FCRL5: variants seen among roughly 807,000 people sequenced by gnomAD.
FCRL5 encodes the protein Fc receptor-like protein 5.
FCRL5 carries 79 observed loss-of-function variants against 92.1 expected under a neutral mutation model. That is an observed-to-expected ratio of 0.86 (90% CI 0.72 to 1.03). The LOEUF is 1.03. Ranked by LOEUF, FCRL5 falls within the 50% of genes least tolerant of loss-of-function variation. The pLI is 0.00. For synonymous variants in FCRL5, 466 were observed against 469.3 expected, an observed-to-expected ratio of 0.99 and a Z score of 0.09; for missense variants, 1,160 against 1,181.1, an observed-to-expected ratio of 0.98 and a Z score of 0.26.
intron 2 of FCRL5, among the ~76,000 whole-genome samples, chr1:157,548,887 G>T (rs1315645267): frequency 6.6e-6 from 1 of 152,166 alleles, no homozygotes; most frequent in Non-Finnish European, 1.5e-5. Flanking sequence ...CGATTCCTCA[G>T]GGATCTAGAA....
At chr1:157,546,628 A>C (rs1419437397) in intron 3 of FCRL5, among the ~76,000 whole-genome samples, 1 of 152,206 alleles carries the variant, frequency 6.6e-6, no homozygotes, top group Non-Finnish European at 1.5e-5. Flanking sequence ...GAATAAGCAT[A>C]GGTAGGTCCT....
At position 157,514,442 on chromosome 1, in the gene FCRL5, C is replaced by G. The variant is rs1649835535; in HGVS notation, c.*1233G>C. On this transcript the variant is annotated 3_prime_UTR_variant, in exon 17 of 17. Transcript: ENST00000361835. ...GCCAACATGTCACAGAGAAGAAGCT[C>G]TCTCAGCAACAGCAGCTGGTGGTGC... 6.6e-6 allele frequency: 1 copy of G among 152,240 alleles called. No individual in the cohort carries two copies. The highest frequency in any genetic ancestry group is 6.5e-5 in the Admixed American group (1 of 15,292). 9.4% of individuals were successfully genotyped at this position (152,240 alleles called of 1,614,324 possible). A position where few individuals can be genotyped will look rare whatever the true frequency, so the allele number is the denominator to read the frequency against.
chr1:157,545,976 A>G (rs1389657029), intron 3 of FCRL5, among the ~76,000 whole-genome samples: 2 of 152,190 alleles, frequency 1.3e-5, no homozygotes, highest in African/African-American at 4.8e-5. Context: ...CACTGCTTCC[A>G]CTACATTAAA....
At chr1:157,540,189 T>A (rs1651190669) in intron 6 of FCRL5, among the ~76,000 whole-genome samples, 1 of 152,210 alleles carries the variant, frequency 6.6e-6, no homozygotes, top group African/African-American at 2.4e-5. Flanking sequence ...CTGTCCTCCA[T>A]CCTAGTCATT....
At chr1:157,544,181 T>A (rs1387135233) in intron 5 of FCRL5, 81 bp downstream of exon 5, 1 of 1,468,396 alleles carries the variant, frequency 6.8e-7, no homozygotes. Context: ...CTACAGAGAC[T>A]GGTGACCCAC....
At chr1:157,516,352 C>T (rs1316874088) in intron 15 of FCRL5, among the ~76,000 whole-genome samples, 1 of 152,192 alleles carries the variant, frequency 6.6e-6, no homozygotes, top group South Asian at 2.1e-4. Flanking sequence ...AAAATATCCT[C>T]TGCCTGTAAG....
At chr1:157,543,321 C>T (rs1219523175) in intron 5 of FCRL5, among the ~76,000 whole-genome samples, 184 bp from the exon 6 acceptor site, 4 of 152,206 alleles carry the variant, frequency 2.6e-5, no homozygotes, top group Non-Finnish European at 5.9e-5. Flanking sequence ...GAATGTTGCA[C>T]CTGAAGTGCC....
At position 157,552,344 on chromosome 1, in the gene FCRL5, A is replaced by T. The variant is rs1651859386; in HGVS notation, c.19T>A (p.Leu7Ile). The T allele has an allele frequency of 1.2e-6, 2 of 1,613,958 alleles. No individual in the cohort carries two copies. The highest frequency in any genetic ancestry group is 1.7e-6 in the Non-Finnish European group (2 of 1,180,000). The change falls in exon 1 of 17, where the codon TTA becomes ATA. Residue 7 changes from leucine (L) to isoleucine (I), a missense_variant. Coordinates refer to ENST00000361835, the MANE Select transcript of FCRL5 (RefSeq NM_031281.3). MLLWVI[L>I]LVLAPVSGQF... ...CCCTTTTACTCACCCAGGACCAGTA[A>T]TATCACCCACAGCAGCATGAAGACC...
chr1:157,518,396 G>A, intron 15 of FCRL5, 33 bp downstream of exon 15: 1 of 1,574,584 alleles, frequency 6.4e-7, no homozygotes, highest in Non-Finnish European at 8.7e-7. Flanking sequence ...TAAGTTGAGG[G>A]TGGGCCAGAA....
At chr1:157,540,524 TTAAAAAAA>T (rs1651209978) in intron 6 of FCRL5, among the ~76,000 whole-genome samples, 1 of 150,008 alleles carries the variant, frequency 6.7e-6, no homozygotes, top group Non-Finnish European at 1.5e-5. Context: ...CTCTCCATGT[TTAAAAAAA>T]AAAAAAACCA....
At chr1:157,545,927 T>C (rs1651514517) in intron 3 of FCRL5, among the ~76,000 whole-genome samples, 2 of 152,208 alleles carry the variant, frequency 1.3e-5, no homozygotes, top group South Asian at 4.1e-4. Flanking sequence ...GATTGTTAAG[T>C]CAAAGAGTAT....
At chr1:157,522,405 C>T (rs1280446461) in intron 10 of FCRL5, 1 of 152,224 alleles carries the variant, frequency 6.6e-6, no homozygotes, top group Non-Finnish European at 1.5e-5. Flanking sequence ...GTGCTTCAAC[C>T]TGGCTTTACC....
chr1:157,518,562 C>G, intron 14 of FCRL5, 65 bp from the exon 15 acceptor site: 3 of 1,498,210 alleles, frequency 2.0e-6, no homozygotes, highest in Non-Finnish European at 2.8e-6. Flanking sequence ...GATACTTCCT[C>G]CTCCCCCAGC....
At chr1:157,518,897 AC>A in intron 13 of FCRL5, 115 bp from the exon 14 acceptor site, 2 of 706,928 alleles carry the variant, frequency 2.8e-6, no homozygotes. Context: ...GGAAACATGA[AC>A]AAGTACATAA....
chr1:157,534,804 C>T lies in FCRL5; in HGVS notation c.1491G>A (p.Gln497=). ...GATVTLHCEV[Q]RGSPQILYQF... The stretch of plus-strand genomic sequence containing the variant: ...GGTATAGGATTTGTGGGGAACCTCT[C>T]TGGACTTCACAGTGAAGTGTCACAG... The change falls in exon 8 of 17, where the codon CAG becomes CAA. Residue 497 remains glutamine (Q), a synonymous_variant. Coordinates refer to ENST00000361835, the MANE Select transcript of FCRL5 (RefSeq NM_031281.3). 6.2e-7 allele frequency: 1 copy of T among 1,610,580 alleles called. No individual in the cohort carries two copies. The highest frequency in any genetic ancestry group is 8.5e-7 in the Non-Finnish European group (1 of 1,178,288).
At chr1:157,551,692 T>C (rs1226528107) in intron 1 of FCRL5, among the ~76,000 whole-genome samples, 1 of 152,248 alleles carries the variant, frequency 6.6e-6, no homozygotes, top group Non-Finnish European at 1.5e-5. Flanking sequence ...CATATTTAAT[T>C]ATAATATTTA....
At position 157,544,332 on chromosome 1, in the gene FCRL5, G is replaced by C. The variant is rs1204610041; in HGVS notation, c.774C>G (p.Tyr258Ter). ...AAGGCATTGTTGCTGCCTTACACCA[G>C]TAGAACCCTGAATCTTTACTCCACA... ...TAMWSKDSGF[Y>*]WCKAATMPYS... The change falls in exon 5 of 17, where the codon TAC becomes TAG. Residue 258 changes from tyrosine (Y) to a stop codon, truncating the protein, a stop_gained. Coordinates refer to ENST00000361835, the MANE Select transcript of FCRL5 (RefSeq NM_031281.3). LOFTEE classifies it high-confidence loss of function. The C allele has an allele frequency of 1.2e-6, 2 of 1,614,092 alleles. No individual in the cohort carries two copies. Among genetic ancestry groups the C allele is most frequent in the African/African-American group, 2.7e-5 (2 of 74,936 alleles).
chr1:157,547,467 C>T (rs1222082666), intron 2 of FCRL5: 2 of 618,442 alleles, frequency 3.2e-6, no homozygotes, highest in Non-Finnish European at 6.0e-6. Flanking sequence ...GGTAGCCTTA[C>T]ATGGAAGTGG....
At chr1:157,538,707 G>A (rs1453819176) in intron 7 of FCRL5, among the ~76,000 whole-genome samples, 1 of 152,228 alleles carries the variant, frequency 6.6e-6, no homozygotes, top group Non-Finnish European at 1.5e-5. Flanking sequence ...TAACTGGACA[G>A]GGGACATTTC....
Sources: allele counts gnomAD v4.1 joint callset (sites outside exome capture counted in the v4.1 genomes callset), GRCh38; gene constraint gnomAD v4.1.1; transcripts MANE v1.5; gene names NCBI Gene and HGNC (gene_info 2026-07-23, HGNC 2026-07-21).